Variants in HSPH1 observed in about 807,000 individuals in gnomAD.
HSPH1 encodes the protein heat shock protein 105 kDa.
A neutral mutation model predicts 100.0 loss-of-function variants in HSPH1; 40 were observed. The observed-to-expected ratio is 0.40, with a 90% CI of 0.31 to 0.52. HSPH1 has a LOEUF of 0.52. Among genes scored for constraint, HSPH1 ranks in the 20% least tolerant of loss-of-function variants. The pLI is 0.54. For missense variants in HSPH1, 876 were observed against 1,015.1 expected (o/e 0.86, Z 1.86); for synonymous variants, 403 against 344.0 (o/e 1.17, Z -1.90).
At chr13:31,152,320 C>T (rs1386427195) in intron 5 of HSPH1, 1 of 152,284 alleles carries the variant, frequency 6.6e-6, no homozygotes, top group Non-Finnish European at 1.5e-5. Flanking sequence ...TTTTCCTTAA[C>T]TGATTTTTTG....
At position 31,148,023 on chromosome 13, in the gene HSPH1, C is replaced by T. The variant is rs777770347; in HGVS notation, c.1314G>A (p.Gly438=). ...AATAGAAAGCTTCTAGCTCAAAAGG[C>T]CCCCTTCTCAGAAAGGTGAGAACTT... The part of the protein sequence containing the change: ...FSKVLTFLRR[G]PFELEAFYSD... The change falls in exon 10 of 18, where the codon GGG becomes GGA. Residue 438 remains glycine, a synonymous_variant. Transcript: ENST00000320027. 37 of 1,610,884 alleles carry T rather than the reference C, an allele frequency of 2.3e-5. No homozygotes were observed. Among genetic ancestry groups the T allele is most frequent in the Non-Finnish European group, 3.1e-5 (37 of 1,178,708 alleles).
At chr13:31,138,369 A>G in intron 17 of HSPH1, 38 bp downstream of exon 17, 2 of 1,598,838 alleles carry the variant, frequency 1.3e-6, no homozygotes, top group Non-Finnish European at 1.7e-6. Flanking sequence ...TGAGTCCGTA[A>G]GTGAACCCAG....
At chr13:31,148,809 T>C (rs1245037081) in intron 8 of HSPH1, among the ~76,000 whole-genome samples, 3 of 152,100 alleles carry the variant, frequency 2.0e-5, no homozygotes, top group Non-Finnish European at 4.4e-5. Flanking sequence ...CACTTTTGAA[T>C]ATGTATAATA....
Position 31,151,009 on chromosome 13 carries a change from T to A in HSPH1, c.846A>T (p.Thr282=). Residue 282 remains threonine (T), a synonymous_variant, in exon 7 of 18, where the codon ACA becomes ACT. Coordinates refer to ENST00000320027, the MANE Select transcript of HSPH1 (RefSeq NM_006644.4). ...AGCATTCGATATTCAGTGGAAGGTC[T>A]GTGCTGTTAGAGCTCATTAGCTTTT... ...KLKKLMSSNS[T]DLPLNIECFM... 6.2e-7 allele frequency: 1 copy of A among 1,613,594 alleles called. No homozygotes were observed. The highest frequency in any genetic ancestry group is 1.3e-5 in the African/African-American group (1 of 75,058).
At chr13:31,143,231 AAC>A (rs1956160152) in intron 12 of HSPH1, among the ~76,000 whole-genome samples, 1 of 152,140 alleles carries the variant, frequency 6.6e-6, no homozygotes, top group Admixed American at 6.6e-5. Flanking sequence ...TTTGATTACA[AAC>A]TGTCATTTTC....
intron 17 of HSPH1, 111 bp downstream of exon 17, chr13:31,138,296 T>A: frequency 4.1e-6 from 4 of 986,140 alleles, no homozygotes; most frequent in Non-Finnish European, 1.6e-6. Context: ...CTGGTTTCAG[T>A]TAGGATGAGG....
rs1956239091 is a variant in HSPH1 at position 31,145,600 on chromosome 13, C to T, written c.1547G>A (p.Cys516Tyr). The T allele has an allele frequency of 6.2e-7, 1 of 1,613,594 alleles. No individual in the cohort carries two copies. Among genetic ancestry groups the T allele is most frequent in the Non-Finnish European group, 8.5e-7 (1 of 1,179,756 alleles). ...NEMSSEADME[C>Y]LNQRPPENPD... Reference sequence around the variant, plus strand: ...GTTTTCTGGTGGTCTCTGATTCAGACACTCCATGTCAGCTTCAGAAGACAT... The same window carrying T: ...GTTTTCTGGTGGTCTCTGATTCAGATACTCCATGTCAGCTTCAGAAGACAT... The change falls in exon 11 of 18, where the codon TGT becomes TAT. Residue 516 changes from cysteine to tyrosine, a missense_variant. Coordinates refer to ENST00000320027, the MANE Select transcript of HSPH1 (RefSeq NM_006644.4).
In HSPH1 at chr13:31,150,140, T is replaced by C; in HGVS notation, c.951A>G (p.Ile317Met). The change falls in exon 8 of 18, where the codon ATA (isoleucine) becomes ATG (methionine). Residue 317 changes from isoleucine to methionine, a missense_variant. Coordinates refer to ENST00000320027, the MANE Select transcript of HSPH1 (RefSeq NM_006644.4). ...CCAACAGTGAATAAAGGGGTACTTC[T>C]ATCTTTTGCAGAAGTTCAGCACAGA... Reference protein sequence around the residue: ...EELCAELLQKIEVPLYSLLEQ... With the variant: ...EELCAELLQKMEVPLYSLLEQ... 1.2e-6 allele frequency: 2 copies of C among 1,609,046 alleles called. No homozygotes were observed. Among genetic ancestry groups the C allele is most frequent in the Non-Finnish European group, 1.7e-6 (2 of 1,176,446 alleles).
At chr13:31,158,205 G>C in intron 2 of HSPH1, among the ~76,000 whole-genome samples, 1 of 152,098 alleles carries the variant, frequency 6.6e-6, no homozygotes, top group Admixed American at 6.6e-5. Context: ...AAAATGCCTT[G>C]TTTATAATTT....
chr13:31,160,852 A>G (rs1295873464), intron 1 of HSPH1, among the ~76,000 whole-genome samples: 1 of 152,246 alleles, frequency 6.6e-6, no homozygotes, highest in African/African-American at 2.4e-5. Context: ...TTAGCAACGA[A>G]GAGACTGGGT....
At chr13:31,152,795 G>GAGAAC in intron 5 of HSPH1, 57 bp downstream of exon 5, 1 of 1,171,896 alleles carries the variant, frequency 8.5e-7, no homozygotes, top group Non-Finnish European at 1.3e-6. Flanking sequence ...TAATAGCACT[G>GAGAAC]AGAACATCTT....
At chr13:31,139,682 A>G (rs1336603932) in intron 14 of HSPH1, among the ~76,000 whole-genome samples, 1 of 152,040 alleles carries the variant, frequency 6.6e-6, no homozygotes, top group Non-Finnish European at 1.5e-5. Context: ...ATTTTTATCT[A>G]GTCAGTTTCT....
In HSPH1 at chr13:31,143,883, G is replaced by C. The variant is rs1197125019; in HGVS notation, c.1625C>G (p.Pro542Arg). 2 of 1,610,010 alleles carry C rather than the reference G, an allele frequency of 1.2e-6. No individual in the cohort carries two copies. Among genetic ancestry groups the C allele is most frequent in the Non-Finnish European group, 1.7e-6 (2 of 1,177,876 alleles). The change falls in exon 12 of 18, where the codon CCC (proline) becomes CGC (arginine). Residue 542 changes from proline (P) to arginine (R), a missense_variant. Pro to Arg is a moderately radical substitution (Grantham distance 103). Coordinates refer to ENST00000320027, the MANE Select transcript of HSPH1 (RefSeq NM_006644.4). ...QQDNSEAGTQ[P>R]QVQTDAQQTS... Reference sequence around the variant, plus strand: ...TTGTTGAGCATCAGTTTGTACCTGGGGCTGTGTTCCAGCTTCACTGTTGTC... The same window carrying C: ...TTGTTGAGCATCAGTTTGTACCTGGCGCTGTGTTCCAGCTTCACTGTTGTC...
At chr13:31,139,628 C>G (rs568299488) in intron 14 of HSPH1, among the ~76,000 whole-genome samples, 4 of 152,184 alleles carry the variant, frequency 2.6e-5, no homozygotes, top group African/African-American at 9.6e-5. Context: ...ATTAATAAAA[C>G]AGACTCCAAA....
chr13:31,152,706 A>G, intron 5 of HSPH1, 146 bp downstream of exon 5: 1 of 579,842 alleles, frequency 1.7e-6, no homozygotes, highest in Non-Finnish European at 3.1e-6. Flanking sequence ...ATTAACCATA[A>G]GCATTTTAAG....
chr13:31,141,943 T>C (rs1192959634), intron 12 of HSPH1, among the ~76,000 whole-genome samples: 2 of 152,098 alleles, frequency 1.3e-5, no homozygotes, highest in Admixed American at 6.6e-5. Flanking sequence ...CAATCATTTA[T>C]GTAGGTTTTT....
Position 31,150,960 on chromosome 13 carries a change from C to T in HSPH1, c.895G>A (p.Gly299Arg), listed in dbSNP as rs753715103. The part of the protein sequence containing the change: ...ECFMNDKDVS[G>R]KMNRSQFEEL... ...TTCAAGACACACCTGTTCATCTTTC[C>T]GGAAACATCTTTATCATTCATAAAG... is the stretch of plus-strand genomic sequence containing the variant. Residue 299 changes from glycine (G) to arginine (R), a missense_variant, in exon 7 of 18, where the codon GGA becomes AGA. Gly to Arg is a moderately radical substitution (Grantham distance 125, BLOSUM62 -2). Transcript: ENST00000320027. 29 of 1,609,558 alleles carry T rather than the reference C, an allele frequency of 1.8e-5. No individual in the cohort carries two copies. The highest frequency in any genetic ancestry group is 5.1e-5 in the Admixed American group (3 of 59,204).
upstream of HSPH1, chr13:31,161,978 TCACCGGCGCCTC>T (rs866079307): frequency 1.4e-5 from 22 of 1,536,016 alleles, no homozygotes; most frequent in East Asian, 3.9e-4. Context: ...CGGCATTTAC[TCACCGGCGCCTC>T]CACCGGCCCC....
In HSPH1 at chr13:31,154,450, C is replaced by T. The variant is rs556043059; in HGVS notation, c.429+183G>A. The T allele has an allele frequency of 4.6e-4, 313 of 680,098 alleles. 1 individual carries two copies. In the East Asian group the frequency reaches 8.3e-3, roughly 18 times the overall value. The allele number at this position is 680,098 out of a possible 1,614,324, so 42.1% of individuals were successfully genotyped here. A position where few individuals can be genotyped will look rare whatever the true frequency, so the allele number is the denominator to read the frequency against. ...TTTGATTTCCAGTCAAGAACCTTTG[C>T]CGCTTCTGGCTAAAAATATCACTCA... On this transcript the variant is annotated intron_variant, in intron 4 of 17. Transcript: ENST00000320027.
Sources: allele counts gnomAD v4.1 joint callset (sites outside exome capture counted in the v4.1 genomes callset), GRCh38; gene constraint gnomAD v4.1.1; transcripts MANE v1.5; gene names NCBI Gene and HGNC (gene_info 2026-07-23, HGNC 2026-07-21).